G2E3: variants seen among roughly 807,000 people sequenced by gnomAD.
G2E3 encodes G2/M-phase specific E3 ubiquitin protein ligase.
In G2E3, 35 loss-of-function variants were observed where a neutral mutation model predicts 92.8. That is an observed-to-expected ratio of 0.38 (90% CI 0.29 to 0.50). The LOEUF (loss-of-function observed/expected upper bound fraction) is 0.50. G2E3 is among the 20% of genes least tolerant of loss of function. G2E3 has a pLI of 0.94. For missense variants in G2E3, 554 were observed against 823.8 expected (o/e 0.67, Z 4.01); for synonymous variants, 242 against 272.4 (o/e 0.89, Z 1.10).
At chr14:30,589,226 T>C (rs996200987) in intron 3 of G2E3, among the ~76,000 whole-genome samples, 157 bp from the exon 4 acceptor site, 2 of 152,118 alleles carry the variant, frequency 1.3e-5, no homozygotes, top group African/African-American at 4.8e-5. Flanking sequence ...AAGTAGCCTC[T>C]TACTTTGACC....
At chr14:30,590,765 G>C in intron 4 of G2E3, 1 of 455,594 alleles carries the variant, frequency 2.2e-6, no homozygotes, top group Non-Finnish European at 4.4e-6. Flanking sequence ...TGTTAAACGT[G>C]AGATATTAGT....
intron 7 of G2E3, chr14:30,598,200 C>G: frequency 3.5e-6 from 1 of 282,432 alleles, no homozygotes; most frequent in African/African-American, 2.2e-5. Flanking sequence ...GCCTTGCCAA[C>G]ATGGCGAAAC....
intron 4 of G2E3, among the ~76,000 whole-genome samples, chr14:30,591,165 A>G (rs1880990587): frequency 1.3e-5 from 2 of 152,172 alleles, no homozygotes; most frequent in Non-Finnish European, 2.9e-5. Context: ...TGTGAACTCA[A>G]ACTAGAATTC....
intron 4 of G2E3, among the ~76,000 whole-genome samples, chr14:30,591,986 T>G (rs540586227): frequency 6.6e-6 from 1 of 152,302 alleles, no homozygotes; most frequent in Non-Finnish European, 1.5e-5. Context: ...CTCTTGAGAT[T>G]TCAATGAGGT....
At chr14:30,581,212 A>T (rs933652078) in intron 2 of G2E3, 96 bp downstream of exon 2, 2 of 731,762 alleles carry the variant, frequency 2.7e-6, no homozygotes, top group Non-Finnish European at 2.4e-6. Context: ...CCCTGGCACA[A>T]GCTTAGTTTG....
intron 1 of G2E3, among the ~76,000 whole-genome samples, chr14:30,578,734 G>A (rs1276736815): frequency 1.3e-5 from 2 of 152,100 alleles, no homozygotes; most frequent in Admixed American, 1.3e-4. Flanking sequence ...GTGTATGGAT[G>A]GATTTATGAT....
chr14:30,604,701 T>G (rs1460489826), intron 10 of G2E3, among the ~76,000 whole-genome samples: 1 of 152,244 alleles, frequency 6.6e-6, no homozygotes, highest in Non-Finnish European at 1.5e-5. Context: ...TACTGTTAAT[T>G]ATGACTTTAT....
chr14:30,579,056 A>G lies in G2E3; in HGVS notation c.-4-2020A>G, dbSNP rs73264322. On this transcript the variant is annotated intron_variant, in intron 1 of 14. Transcript: ENST00000206595. ...TTCTATAGATTGTGATCCTCAATCA[A>G]TTTGTTCACTTAAGGCAGTTCTGTA... Among the ~76,000 whole-genome samples the G allele has an allele frequency of 9.1e-3, 1,386 of 152,286 alleles. 23 individuals are homozygous for G. Among genetic ancestry groups the G allele is most frequent in the African/African-American group, 0.031 (1,278 of 41,548 alleles).
At position 30,581,091 on chromosome 14, in the gene G2E3, T is replaced by C; in HGVS notation, c.12T>C (p.Ser4=). 1 of 1,480,628 alleles carries C rather than the reference T, an allele frequency of 6.8e-7. No individual in the cohort carries two copies. Among genetic ancestry groups the C allele is most frequent in the Non-Finnish European group, 9.4e-7 (1 of 1,060,670 alleles). The allele number at this position is 1,480,628 out of a possible 1,614,324, so 91.7% of individuals were successfully genotyped here. Residue 4 remains serine (S), a synonymous_variant, in exon 2 of 15, where the codon AGT becomes AGC. Coordinates refer to ENST00000206595, the MANE Select transcript of G2E3 (RefSeq NM_017769.5). ...TTTTTCCTAGTAAAATGAATGAAAG[T>C]AAACCTGGTGACTCACAGAACCTTG... MNE[S]KPGDSQNLAC... is the part of the protein sequence containing the mutation.
chr14:30,615,338 C>G lies in G2E3; in HGVS notation c.1674-11C>G. 1 of 1,482,464 alleles carries G rather than the reference C, an allele frequency of 6.7e-7. No homozygotes were observed. Among genetic ancestry groups the G allele is most frequent in the South Asian group, 1.2e-5 (1 of 81,176 alleles). 91.8% of individuals were successfully genotyped at this position (1,482,464 alleles called of 1,614,324 possible). A position where few individuals can be genotyped will look rare whatever the true frequency, so the allele number is the denominator to read the frequency against. On this transcript the variant is annotated splice_polypyrimidine_tract_variant and intron_variant, in intron 13 of 14. Transcript: ENST00000206595. ...GTATGAATGTTGGCTCATTATTTTTCTTCTCTTAAGTTTTAAGCAGGGTCT... is the reference window on the plus strand; with the variant it reads ...GTATGAATGTTGGCTCATTATTTTTGTTCTCTTAAGTTTTAAGCAGGGTCT...
At chr14:30,595,074 G>C (rs1388616727) in intron 6 of G2E3, among the ~76,000 whole-genome samples, 4 of 152,028 alleles carry the variant, frequency 2.6e-5, no homozygotes, top group Non-Finnish European at 5.9e-5. Flanking sequence ...GGAGGTAGAG[G>C]TTGCGGTATG....
At chr14:30,594,735 A>T (rs899755237) in intron 6 of G2E3, among the ~76,000 whole-genome samples, 3 of 152,036 alleles carry the variant, frequency 2.0e-5, no homozygotes, top group Admixed American at 6.6e-5. Flanking sequence ...ATAAAGTCTT[A>T]AAAATACTAA....
chr14:30,618,692 T>G lies in G2E3; in HGVS notation c.*2158T>G, dbSNP rs2138931692. On this transcript the variant is annotated 3_prime_UTR_variant, in exon 15 of 15. Coordinates refer to ENST00000206595, the MANE Select transcript of G2E3 (RefSeq NM_017769.5). ...TAAATATTTATTTTGCAAAATGTTT[T>G]CTAGTTTGAAGGATGTTCCATTATT... The G allele has an allele frequency of 6.6e-6, 1 of 152,266 alleles. No homozygotes were observed. Among genetic ancestry groups the G allele is most frequent in the East Asian group, 1.9e-4 (1 of 5,188 alleles). The allele number at this position is 152,266 out of a possible 1,614,324, so 9.4% of individuals were successfully genotyped here. A position where few individuals can be genotyped will look rare whatever the true frequency, so the allele number is the denominator to read the frequency against.
intron 3 of G2E3, among the ~76,000 whole-genome samples, 158 bp from the exon 4 acceptor site, chr14:30,589,225 C>T (rs751025509): frequency 2.6e-5 from 4 of 152,044 alleles, no homozygotes; most frequent in Non-Finnish European, 4.4e-5. Context: ...TAAGTAGCCT[C>T]TTACTTTGAC....
At chr14:30,574,691 C>T (rs1437957040) in intron 1 of G2E3, 1 of 152,098 alleles carries the variant, frequency 6.6e-6, no homozygotes, top group African/African-American at 2.4e-5. Context: ...TTTTTTGTTC[C>T]TGTATTACTG....
chr14:30,596,389 C>T (rs543641887), intron 6 of G2E3, among the ~76,000 whole-genome samples: 2 of 152,260 alleles, frequency 1.3e-5, no homozygotes, highest in East Asian at 3.9e-4. Context: ...CTTCATACTA[C>T]TGTCTTTAAC....
chr14:30,590,484 C>G (rs1352358551), intron 4 of G2E3: 3 of 338,276 alleles, frequency 8.9e-6, no homozygotes, highest in South Asian at 7.2e-5. Context: ...AAATAATGTT[C>G]TCTTTGTCCC....
intron 2 of G2E3, among the ~76,000 whole-genome samples, chr14:30,585,819 A>G (rs1880684284): frequency 6.6e-6 from 1 of 152,102 alleles, no homozygotes. Context: ...TTTTTAACAT[A>G]GGCTTGCATG....
intron 1 of G2E3, 66 bp from the exon 2 acceptor site, chr14:30,581,010 G>A (rs1394558450): frequency 4.0e-5 from 34 of 856,848 alleles, no homozygotes; most frequent in Non-Finnish European, 6.0e-5. Context: ...TTGACTGCAA[G>A]TAATAAAAGT....
Sources: allele counts gnomAD v4.1 joint callset (sites outside exome capture counted in the v4.1 genomes callset), GRCh38; gene constraint gnomAD v4.1.1; transcripts MANE v1.5; gene names NCBI Gene and HGNC (gene_info 2026-07-23, HGNC 2026-07-21).